KCNQ1: variants seen among roughly 807,000 people sequenced by gnomAD.
KCNQ1 encodes the protein potassium voltage-gated channel subfamily KQT member 1.
In KCNQ1, 49 loss-of-function variants were observed where a neutral mutation model predicts 72.4. That is an observed-to-expected ratio of 0.68 (90% CI 0.54 to 0.86). The LOEUF is 0.86. Ranked by LOEUF, KCNQ1 falls within the 40% of genes least tolerant of loss-of-function variation. The pLI is 0.00. For missense variants in KCNQ1, 790 were observed against 945.1 expected, an observed-to-expected ratio of 0.84 and a Z score of 2.15; for synonymous variants, 450 against 412.6, an observed-to-expected ratio of 1.09 and a Z score of -1.10.
Position 2,776,023 on chromosome 11 carries a change from C to G in KCNQ1, c.1654C>G (p.Leu552Val). The G allele has an allele frequency of 6.4e-7, 1 of 1,572,628 alleles. No individual in the cohort carries two copies. Among genetic ancestry groups the G allele is most frequent in the East Asian group, 2.3e-5 (1 of 43,068 alleles). The change falls in exon 13 of 16, where the codon CTC becomes GTC. Residue 552 changes from leucine to valine, a missense_variant. Coordinates refer to ENST00000155840, the MANE Select transcript of KCNQ1 (RefSeq NM_000218.3). ...GCAGTACTCGCAGGGCCACCTCAACCTCATGGTGCGCATCAAGGAGCTGCA... is the reference window on the plus strand; with the variant it reads ...GCAGTACTCGCAGGGCCACCTCAACGTCATGGTGCGCATCAAGGAGCTGCA... Reference protein sequence around the residue: ...IEQYSQGHLNLMVRIKELQRR... With the variant: ...IEQYSQGHLNVMVRIKELQRR...
At chr11:2,622,871 G>A (rs1849198189) in intron 10 of KCNQ1, 1 of 398,464 alleles carries the variant, frequency 2.5e-6, no homozygotes, top group African/African-American at 2.1e-5. Flanking sequence ...TTATGAATCT[G>A]CATTTACACA....
chr11:2,735,987 A>G lies in KCNQ1; in HGVS notation c.1515-32857A>G, dbSNP rs933759787. On this transcript the variant is annotated intron_variant, in intron 11 of 15. Coordinates refer to ENST00000155840, the MANE Select transcript of KCNQ1 (RefSeq NM_000218.3). The surrounding 1 kb of genome is among the most constrained non-coding windows in gnomAD (Gnocchi z 7.7). Reference sequence around the variant, plus strand: ...CACGCCCTTCCTCCAGTGTGTCTGGAGCCCCTTCCCTGTGTACAAAGGGAC... The same window carrying G: ...CACGCCCTTCCTCCAGTGTGTCTGGGGCCCCTTCCCTGTGTACAAAGGGAC... Among the ~76,000 whole-genome samples the G allele has an allele frequency of 2.6e-5, 4 of 152,226 alleles. No individual in the cohort carries two copies. Among genetic ancestry groups the G allele is most frequent in the South Asian group, 4.2e-4 (2 of 4,818 alleles).
rs1294525200 is a variant in KCNQ1, at chr11:2,690,445, T to G, written c.1514+28364T>G. The G allele has an allele frequency of 5.0e-6, 2 of 398,434 alleles. No individual in the cohort carries two copies. Among genetic ancestry groups the G allele is most frequent in the Non-Finnish European group, 8.8e-6 (2 of 226,086 alleles). The allele number at this position is 398,434 out of a possible 1,614,324, so 24.7% of individuals were successfully genotyped here. ...GGGGTCCTGGGAGCTAGAGCTGGGTTAAGATAAGAGCAGAGACTGGGTCCT... is the reference window on the plus strand; with the variant it reads ...GGGGTCCTGGGAGCTAGAGCTGGGTGAAGATAAGAGCAGAGACTGGGTCCT... On this transcript the variant is annotated intron_variant, in intron 11 of 15. Coordinates refer to ENST00000155840, the MANE Select transcript of KCNQ1 (RefSeq NM_000218.3). This position sits in a 1 kb window ranked among gnomAD's most constrained non-coding sequence, Gnocchi z 5.1.
chr11:2,450,582 C>T lies in KCNQ1; in HGVS notation c.386+5098C>T, dbSNP rs566594559. ...GTCACTCCAGCCCCGGATGCTCCTA[C>T]ACCATGCTCTGCTTGCATCTGGGGT... On this transcript the variant is annotated intron_variant, in intron 1 of 15. Transcript: ENST00000155840. The surrounding 1 kb of genome is among the most constrained non-coding windows in gnomAD (Gnocchi z 7.9). 1.1e-3 allele frequency among the ~76,000 whole-genome samples: 174 copies of T among 152,174 alleles called. No homozygotes were observed. The highest frequency in any genetic ancestry group is 1.5e-3 in the Non-Finnish European group (101 of 67,986).
intron 10 of KCNQ1, chr11:2,637,982 CAG>C (rs1166948012): frequency 2.6e-5 from 4 of 152,188 alleles, no homozygotes; most frequent in African/African-American, 9.7e-5. Context: ...TCTGTTTTAT[CAG>C]AGACTAGGAT....
At chr11:2,505,713 G>A (rs143394436) in intron 1 of KCNQ1, among the ~76,000 whole-genome samples, 70 of 152,284 alleles carry the variant, frequency 4.6e-4, no homozygotes, top group African/African-American at 1.6e-3. Context: ...ACCTTTAAGT[G>A]TGCAGCGTCC....
At chr11:2,805,951 TAGTG>T (rs1847363065) in intron 15 of KCNQ1, among the ~76,000 whole-genome samples, 1 of 152,232 alleles carries the variant, frequency 6.6e-6, no homozygotes, top group Non-Finnish European at 1.5e-5. Flanking sequence ...TTATTTATAA[TAGTG>T]AGAAATTGGA....
rs372757312 is a variant in KCNQ1 at position 2,445,422 on chromosome 11, C to T, written c.324C>T (p.Gly108=). ...TGTTGGCGCGCACCCACGTCCAGGG[C>T]CGCGTCTACAACTTCCTCGAGCGTC... ...RPVLARTHVQ[G]RVYNFLERPT... Residue 108 remains glycine (G), a synonymous_variant, in exon 1 of 16, where the codon GGC becomes GGT. Transcript: ENST00000155840. 4 of 1,597,758 alleles carry T rather than the reference C, an allele frequency of 2.5e-6. No individual in the cohort carries two copies. The highest frequency in any genetic ancestry group is 3.3e-5 in the Admixed American group (2 of 59,952).
intron 1 of KCNQ1, among the ~76,000 whole-genome samples, chr11:2,520,019 T>C (rs1847354086): frequency 6.6e-6 from 1 of 152,258 alleles, no homozygotes; most frequent in African/African-American, 2.4e-5. Flanking sequence ...CCGCAGAGGC[T>C]GGAAGGCTGA....
Position 2,827,849 on chromosome 11 carries a change from G to T in KCNQ1, c.1795-19918G>T, listed in dbSNP as rs1019497823. 6.6e-6 allele frequency among the ~76,000 whole-genome samples: 1 copy of T among 152,150 alleles called. No individual in the cohort carries two copies. Among genetic ancestry groups the T allele is most frequent in the Non-Finnish European group, 1.5e-5 (1 of 68,030 alleles). On this transcript the variant is annotated intron_variant, in intron 15 of 15. Transcript: ENST00000155840. This position sits in a 1 kb window ranked among gnomAD's most constrained non-coding sequence, Gnocchi z 6.7. Reference sequence around the variant, plus strand: ...TTTTCCGGAATGAAGAGGAAGGGGCGGGCAGAAGGCAGCGAGAGCTTTGTT... The same window carrying T: ...TTTTCCGGAATGAAGAGGAAGGGGCTGGCAGAAGGCAGCGAGAGCTTTGTT...
intron 15 of KCNQ1, among the ~76,000 whole-genome samples, chr11:2,838,001 A>G (rs942449506): frequency 6.6e-6 from 1 of 152,250 alleles, no homozygotes; most frequent in Non-Finnish European, 1.5e-5. Flanking sequence ...CATGGGCCCC[A>G]GAGGCCTCTG....
chr11:2,570,561 G>T, intron 2 of KCNQ1, 67 bp from the exon 3 acceptor site: 1 of 1,600,304 alleles, frequency 6.2e-7, no homozygotes, highest in South Asian at 1.1e-5. Context: ...GTTCAAACAG[G>T]TTGCAGGGTC....
At chr11:2,569,663 C>T (rs577629677) in intron 2 of KCNQ1, among the ~76,000 whole-genome samples, 1 of 152,364 alleles carries the variant, frequency 6.6e-6, no homozygotes, top group Non-Finnish European at 1.5e-5. Flanking sequence ...CCCCAAGGGC[C>T]TCCCGTACAC....
At chr11:2,680,651 A>C (rs1850380796) in intron 11 of KCNQ1, 1 of 398,462 alleles carries the variant, frequency 2.5e-6, no homozygotes, top group Non-Finnish European at 4.4e-6. Flanking sequence ...TTGCATTGAT[A>C]GTCTCACTAC....
intron 1 of KCNQ1, among the ~76,000 whole-genome samples, chr11:2,465,272 A>G (rs1846335753): frequency 1.3e-5 from 2 of 151,930 alleles, no homozygotes; most frequent in East Asian, 1.9e-4. Context: ...TGGCACCGTG[A>G]CCCCTTCTCC....
intron 2 of KCNQ1, among the ~76,000 whole-genome samples, chr11:2,560,767 C>T (rs1188430808): frequency 1.3e-5 from 2 of 152,068 alleles, no homozygotes; most frequent in African/African-American, 4.8e-5. Flanking sequence ...GGTCTCAGCA[C>T]TGAGCTTGCA....
chr11:2,669,315 G>C lies in KCNQ1; in HGVS notation c.1514+7234G>C. ...CACCATACATATGCCAGTTGCCATG[G>C]AAAGCCTCCTCTAGGCGCAGCAGCC... On this transcript the variant is annotated intron_variant, in intron 11 of 15. Coordinates refer to ENST00000155840, the MANE Select transcript of KCNQ1 (RefSeq NM_000218.3). This position sits in a 1 kb window ranked among gnomAD's most constrained non-coding sequence, Gnocchi z 5.6. 1 of 398,624 alleles carries C rather than the reference G, an allele frequency of 2.5e-6. No homozygotes were observed. The highest frequency in any genetic ancestry group is 4.4e-6 in the Non-Finnish European group (1 of 226,072). The allele number at this position is 398,624 out of a possible 1,614,324, so 24.7% of individuals were successfully genotyped here.
intron 10 of KCNQ1, chr11:2,628,984 G>A: frequency 2.5e-6 from 1 of 398,186 alleles, no homozygotes; most frequent in Non-Finnish European, 4.4e-6. Flanking sequence ...TTCTATACCA[G>A]TACCATAACT....
chr11:2,615,880 G>C (rs899929569), intron 10 of KCNQ1: 30 of 398,098 alleles, frequency 7.5e-5, no homozygotes, highest in Non-Finnish European at 1.3e-4. Flanking sequence ...TGGCCTCATA[G>C]AATGTATTGC....
Sources: allele counts gnomAD v4.1 joint callset (sites outside exome capture counted in the v4.1 genomes callset), GRCh38; gene constraint gnomAD v4.1.1; non-coding constraint Gnocchi (gnomAD v3.1); transcripts MANE v1.5; gene names NCBI Gene and HGNC (gene_info 2026-07-23, HGNC 2026-07-21).